XKR4: variants seen among roughly 807,000 people sequenced by gnomAD.
XKR4 encodes XK related 4.
A neutral mutation model predicts 53.9 loss-of-function variants in XKR4; 12 were observed. The observed-to-expected ratio is 0.22, with a 90% CI of 0.14 to 0.36. XKR4 has a LOEUF of 0.36. Ranked by LOEUF, XKR4 falls within the 10% of genes least tolerant of loss-of-function variation. XKR4 has a pLI of 1.00. For missense variants in XKR4, 799 were observed against 859.5 expected, an observed-to-expected ratio of 0.93 and a Z score of 0.88; for synonymous variants, 354 against 362.4, an observed-to-expected ratio of 0.98 and a Z score of 0.26.
chr8:55,170,411 T>C (rs1360370306), intron 1 of XKR4, among the ~76,000 whole-genome samples: 1 of 151,866 alleles, frequency 6.6e-6, no homozygotes, highest in Admixed American at 6.6e-5. Context: ...GCTGTGGAGA[T>C]GGAGGTATGG....
intron 1 of XKR4, among the ~76,000 whole-genome samples, chr8:55,155,417 T>C (rs939515848): frequency 1.3e-5 from 2 of 151,844 alleles, no homozygotes; most frequent in Non-Finnish European, 2.9e-5. Context: ...TAACATAATA[T>C]GGGAGTAGAA....
At chr8:55,454,857 T>G in intron 2 of XKR4, 1 of 764,808 alleles carries the variant, frequency 1.3e-6, no homozygotes. Flanking sequence ...TTCCTCCCAC[T>G]CAGTGGCATC....
chr8:55,188,049 G>A (rs1047446316), intron 1 of XKR4, among the ~76,000 whole-genome samples: 9 of 151,812 alleles, frequency 5.9e-5, no homozygotes, highest in African/African-American at 1.2e-4. Context: ...GCCTAGTGCC[G>A]GTATCATTTT....
chr8:55,221,469 G>T (rs1817879747), intron 1 of XKR4, among the ~76,000 whole-genome samples: 1 of 152,112 alleles, frequency 6.6e-6, no homozygotes, highest in Non-Finnish European at 1.5e-5. Context: ...GCGGTTTCCT[G>T]GCCCACACAC....
At chr8:55,122,045 A>T (rs1816398706) in intron 1 of XKR4, among the ~76,000 whole-genome samples, 1 of 152,214 alleles carries the variant, frequency 6.6e-6, no homozygotes, top group Admixed American at 6.5e-5. Flanking sequence ...GCCAGAATCT[A>T]TAAATTGTTA....
rs1377788013 is a variant in XKR4 at position 55,345,372 on chromosome 8, A to G, written c.807-12306A>G. The stretch of plus-strand genomic sequence containing the variant: ...GCCTTTATGAAATACAAGATGCTGA[A>G]TAAGTATGACTGTACTTTGTGTAAG... On this transcript the variant is annotated intron_variant, in intron 1 of 2. Transcript: ENST00000327381. Among the ~76,000 whole-genome samples the G allele has an allele frequency of 2.6e-5, 4 of 152,220 alleles. 1 individual carries two copies. The highest frequency in any genetic ancestry group is 2.6e-4 in the Admixed American group (4 of 15,278).
intron 1 of XKR4, among the ~76,000 whole-genome samples, chr8:55,325,929 G>A (rs1341779452): frequency 6.6e-6 from 1 of 152,218 alleles, no homozygotes. Flanking sequence ...AAAGGAAACT[G>A]TTATATAAGG....
At chr8:55,257,702 TTA>T (rs1354272265) in intron 1 of XKR4, among the ~76,000 whole-genome samples, 1 of 152,236 alleles carries the variant, frequency 6.6e-6, no homozygotes, top group African/African-American at 2.4e-5. Flanking sequence ...GTATGTTTAG[TTA>T]TGTGACACTT....
At chr8:55,451,895 C>T (rs1323625084) in intron 2 of XKR4, 2 of 837,384 alleles carry the variant, frequency 2.4e-6, no homozygotes, top group Non-Finnish European at 4.0e-6. Flanking sequence ...TCCAGCTCTT[C>T]CGACACTGAG....
rs973342954 is a variant in XKR4 at position 55,160,285 on chromosome 8, G to A, written c.806+56991G>A. Among the ~76,000 whole-genome samples, 7 of 152,208 alleles carry A rather than the reference G, an allele frequency of 4.6e-5. No individual in the cohort carries two copies. In the East Asian group the frequency reaches 1.2e-3, roughly 25 times the overall value. On this transcript the variant is annotated intron_variant, in intron 1 of 2. Transcript: ENST00000327381. The stretch of plus-strand genomic sequence containing the variant: ...TTTTCAAGTGAGAATGCAGCATTGT[G>A]TATGCAAGGAGTGTTTAAATTAGTT...
At chr8:55,147,246 GA>G (rs1037242695) in intron 1 of XKR4, among the ~76,000 whole-genome samples, 2 of 151,792 alleles carry the variant, frequency 1.3e-5, no homozygotes, top group Admixed American at 1.3e-4. Flanking sequence ...GCTTTACTTA[GA>G]AAAAAAATAA....
At chr8:55,173,197 G>A (rs979299150) in intron 1 of XKR4, among the ~76,000 whole-genome samples, 1 of 152,026 alleles carries the variant, frequency 6.6e-6, no homozygotes, top group Non-Finnish European at 1.5e-5. Context: ...GAGTCCCCTT[G>A]GCAGGCCCCC....
intron 1 of XKR4, among the ~76,000 whole-genome samples, chr8:55,355,414 A>G (rs1369914082): frequency 1.3e-5 from 2 of 152,222 alleles, no homozygotes; most frequent in African/African-American, 4.8e-5. Context: ...GAGGCATCCA[A>G]GAAGAAAGAC....
intron 1 of XKR4, among the ~76,000 whole-genome samples, chr8:55,148,645 T>G (rs1816802923): frequency 6.6e-6 from 1 of 152,230 alleles, no homozygotes; most frequent in African/African-American, 2.4e-5. Flanking sequence ...TTATATTTTA[T>G]CCGATTTAAT....
intron 1 of XKR4, among the ~76,000 whole-genome samples, chr8:55,249,035 T>G (rs1279470909): frequency 6.6e-6 from 1 of 152,194 alleles, no homozygotes; most frequent in East Asian, 1.9e-4. Flanking sequence ...CAATTTTTGT[T>G]GATCTTTAAG....
chr8:55,184,047 G>A (rs1446090308), intron 1 of XKR4, among the ~76,000 whole-genome samples: 1 of 152,118 alleles, frequency 6.6e-6, no homozygotes, highest in Non-Finnish European at 1.5e-5. Flanking sequence ...GCTGACCAGA[G>A]TGTGAACACG....
chr8:55,120,713 G>T (rs938386684), intron 1 of XKR4, among the ~76,000 whole-genome samples: 2 of 151,910 alleles, frequency 1.3e-5, no homozygotes, highest in Admixed American at 6.6e-5. Flanking sequence ...ACAACTGATG[G>T]AAAATATTGA....
At chr8:55,449,845 C>T (rs1315916648) in intron 2 of XKR4, 1 of 1,062,340 alleles carries the variant, frequency 9.4e-7, no homozygotes, top group Non-Finnish European at 1.5e-6. Flanking sequence ...TGTTCTCACT[C>T]TCAGCTGTCT....
intron 1 of XKR4, among the ~76,000 whole-genome samples, chr8:55,356,839 CA>C (rs1393348367): frequency 2.6e-5 from 4 of 152,142 alleles, no homozygotes; most frequent in Non-Finnish European, 5.9e-5. Context: ...CCTGAGACAG[CA>C]AAACCAACCC....
Sources: allele counts gnomAD v4.1 joint callset (sites outside exome capture counted in the v4.1 genomes callset), GRCh38; gene constraint gnomAD v4.1.1; transcripts MANE v1.5; gene names NCBI Gene and HGNC (gene_info 2026-07-23, HGNC 2026-07-21).